The following DBET variants were observed in gnomAD, a reference collection of about 807,000 sequenced individuals.
DBET encodes the protein D4Z4 binding element transcript, also known as D4Z4 binding element transcript (non-protein coding).
exon 1 of DBET, chr4:190,064,905 T>A (rs1553971389): frequency 4.7e-6 from 1 of 214,214 alleles, no homozygotes; most frequent in East Asian, 7.6e-5. Context: ...TCATCTCTGC[T>A]CCAGTGCAAA....
At chr4:190,064,997 C>G in exon 1 of DBET, 1 of 400,716 alleles carries the variant, frequency 2.5e-6, no homozygotes, top group Non-Finnish European at 4.5e-6. Context: ...ACTCTGCAAT[C>G]CCCTAAGGCT....
chr4:190,064,925 G>A, exon 1 of DBET: 1 of 235,816 alleles, frequency 4.2e-6, no homozygotes, highest in Non-Finnish European at 8.0e-6. Flanking sequence ...ACTGTTTTCA[G>A]AAAGCCTACT....
At chr4:190,066,830 CA>C (rs2126459964) in exon 1 of DBET, 2 of 41,932 alleles carry the variant, frequency 4.8e-5, no homozygotes, top group African/African-American at 7.7e-5. Flanking sequence ...GCCGGCGGGG[CA>C]CCACCCATTC....
At chr4:190,067,637 TCCCCCCCCCCCCCC>T (rs1198425779) in exon 1 of DBET, 2 of 110,558 alleles carry the variant, frequency 1.8e-5, no homozygotes, top group South Asian at 4.7e-5. Flanking sequence ...CACCACGCCC[TCCCCCCCCCCCCCC>T]CCCCCCCACC....
At chr4:190,065,050 A>T in exon 1 of DBET, 1 of 436,216 alleles carries the variant, frequency 2.3e-6, no homozygotes, top group Non-Finnish European at 4.0e-6. Flanking sequence ...TCGAACTCAC[A>T]GGCAAAATCC....
chr4:190,064,801 A>C (rs1740570245), exon 1 of DBET: 1 of 134,620 alleles, frequency 7.4e-6, no homozygotes, highest in Non-Finnish European at 1.6e-5. Flanking sequence ...AGACTTCATC[A>C]AATTTCTGCA....
exon 1 of DBET, chr4:190,064,601 C>G (rs1263565034): frequency 7.2e-6 from 1 of 138,772 alleles, no homozygotes; most frequent in Admixed American, 7.0e-5. Context: ...TCCATCATGT[C>G]CTTCAGCACT....
rs1553971470 is a variant in DBET at position 190,065,167 on chromosome 4, T to A, written n.666T>A. 1.0e-5 allele frequency: 5 copies of A among 501,924 alleles called. 1 individual carries two copies. The highest frequency in any genetic ancestry group is 4.0e-5 in the South Asian group (2 of 49,574). 31.1% of individuals were successfully genotyped at this position (501,924 alleles called of 1,614,324 possible). ...TGGAGACCCTTGTCATGCCATTATTTATAAATCTATTGTGCCTCAAGTCAG... is the reference window on the plus strand; with the variant it reads ...TGGAGACCCTTGTCATGCCATTATTAATAAATCTATTGTGCCTCAAGTCAG... On this transcript the variant is annotated non_coding_transcript_exon_variant, in exon 1 of 1. Coordinates refer to ENST00000630918, the Ensembl canonical transcript of DBET.
Position 190,065,017 on chromosome 4 carries a change from C to T in DBET, n.516C>T, listed in dbSNP as rs1193812081. 5.8e-5 allele frequency: 24 copies of T among 415,616 alleles called. 6 individuals are homozygous for T. The highest frequency in any genetic ancestry group is 9.4e-5 in the Non-Finnish European group (22 of 234,164). 25.7% of individuals were successfully genotyped at this position (415,616 alleles called of 1,614,324 possible). On this transcript the variant is annotated non_coding_transcript_exon_variant, in exon 1 of 1. Coordinates refer to ENST00000630918, the Ensembl canonical transcript of DBET. ...GCAATCCCCTAAGGCTTTTTCTCTC[C>T]CTCCCAGAATCTTAAAGTGCATTCG...
At position 190,065,339 on chromosome 4, in the gene DBET, C is replaced by T. The variant is rs1176460018; in HGVS notation, n.838C>T. 5.0e-5 allele frequency: 16 copies of T among 320,964 alleles called. 1 individual carries two copies. The highest frequency in any genetic ancestry group is 6.5e-5 in the Non-Finnish European group (12 of 185,254). The allele number at this position is 320,964 out of a possible 1,614,324, so 19.9% of individuals were successfully genotyped here. A position where few individuals can be genotyped will look rare whatever the true frequency, so the allele number is the denominator to read the frequency against. On this transcript the variant is annotated non_coding_transcript_exon_variant, in exon 1 of 1. Coordinates refer to ENST00000630918, the Ensembl canonical transcript of DBET. ...GGCAGAGGGGATCTCCCAACCTGCC[C>T]CGGCGCGCGGGGATTTCGCCTACGC...
Position 190,065,793 on chromosome 4 carries a change from T to A in DBET, n.1292T>A, listed in dbSNP as rs1446725292. Reference sequence around the variant, plus strand: ...GAGCTCCTGGCGAGCCCGGAGTTTCTGCAGCAGGCGCAACCTCTCCTAGAA... The same window carrying A: ...GAGCTCCTGGCGAGCCCGGAGTTTCAGCAGCAGGCGCAACCTCTCCTAGAA... On this transcript the variant is annotated non_coding_transcript_exon_variant, in exon 1 of 1. Coordinates refer to ENST00000630918, the Ensembl canonical transcript of DBET. 44 of 48,616 alleles carry A rather than the reference T, an allele frequency of 9.1e-4. 4 individuals carry two copies. The highest frequency in any genetic ancestry group is 1.8e-3 in the Non-Finnish European group (38 of 21,592). The allele number at this position is 48,616 out of a possible 1,614,324, so 3.0% of individuals were successfully genotyped here.
exon 1 of DBET, chr4:190,065,206 G>C: frequency 1.7e-6 from 1 of 584,328 alleles, no homozygotes; most frequent in South Asian, 1.7e-5. Flanking sequence ...TGTGTGAGGG[G>C]AGATGGGGAG....
In DBET at chr4:190,064,967, T is replaced by A. The variant is rs1487859245; in HGVS notation, n.466T>A. 8 of 315,540 alleles carry A rather than the reference T, an allele frequency of 2.5e-5. 3 individuals are homozygous for A. The highest frequency in any genetic ancestry group is 2.4e-4 in the African/African-American group (8 of 33,992). 19.5% of individuals were successfully genotyped at this position (315,540 alleles called of 1,614,324 possible). On this transcript the variant is annotated non_coding_transcript_exon_variant, in exon 1 of 1. Transcript: ENST00000630918. ...TTCCTTGCTGTAACAGAGGAACATT[T>A]CCTGTCTTATGCTTATTCTACTCTG...
At chr4:190,064,512 T>A (rs1740561876) in exon 1 of DBET, 1 of 136,858 alleles carries the variant, frequency 7.3e-6, no homozygotes, top group African/African-American at 3.1e-5. Context: ...GTTGGCTGTC[T>A]GTGGTATTGC....
exon 1 of DBET, chr4:190,067,562 C>CCCTTCT: frequency 1.8e-4 from 1 of 5,544 alleles, no homozygotes; most frequent in South Asian, 1.5e-3. Flanking sequence ...CCGAAACGCG[C>CCCTTCT]CCCCCTCCCC....
At chr4:190,064,522 C>A (rs1437107026) in exon 1 of DBET, 2 of 137,036 alleles carry the variant, frequency 1.5e-5, no homozygotes, top group African/African-American at 6.3e-5. Context: ...TGTGGTATTG[C>A]AGTTTCACTA....
At chr4:190,065,187 A>T (rs1441264409) in exon 1 of DBET, 1 of 576,400 alleles carries the variant, frequency 1.7e-6, no homozygotes, top group Non-Finnish European at 3.1e-6. Context: ...TTGTGCCTCA[A>T]GTCAGAAGTG....
rs1225502882 is a variant in DBET at position 190,065,318 on chromosome 4, G to C, written n.817G>C. 1.2e-4 allele frequency: 55 copies of C among 461,772 alleles called. No homozygotes were observed. In the East Asian group the frequency reaches 1.8e-3, roughly 15 times the overall value. 28.6% of individuals were successfully genotyped at this position (461,772 alleles called of 1,614,324 possible). A position where few individuals can be genotyped will look rare whatever the true frequency, so the allele number is the denominator to read the frequency against. Reference sequence around the variant, plus strand: ...GCAGCCCAGCCAGGCCGCGCCGGCAGAGGGGATCTCCCAACCTGCCCCGGC... The same window carrying C: ...GCAGCCCAGCCAGGCCGCGCCGGCACAGGGGATCTCCCAACCTGCCCCGGC... On this transcript the variant is annotated non_coding_transcript_exon_variant, in exon 1 of 1. Coordinates refer to ENST00000630918, the Ensembl canonical transcript of DBET.
Position 190,064,957 on chromosome 4 carries a change from G to A in DBET, n.456G>A, listed in dbSNP as rs375052689. ...TACTTCTATTTTCCTTGCTGTAACAGAGGAACATTTCCTGTCTTATGCTTA... is the reference window on the plus strand; with the variant it reads ...TACTTCTATTTTCCTTGCTGTAACAAAGGAACATTTCCTGTCTTATGCTTA... On this transcript the variant is annotated non_coding_transcript_exon_variant, in exon 1 of 1. Transcript: ENST00000630918. 9.4e-5 allele frequency: 28 copies of A among 299,098 alleles called. 6 individuals carry two copies. In the Admixed American group the frequency reaches 1.0e-3, roughly 11 times the overall value. 18.5% of individuals were successfully genotyped at this position (299,098 alleles called of 1,614,324 possible). A position where few individuals can be genotyped will look rare whatever the true frequency, so the allele number is the denominator to read the frequency against.
Sources: gnomAD v4.1 joint callset for allele counts on GRCh38, gnomAD v4.1.1 for gene constraint, MANE v1.5 for transcripts, NCBI Gene and HGNC (gene_info 2026-07-23, HGNC 2026-07-21) for gene names.